The following RIMS2 variants were observed in gnomAD, a reference collection of about 807,000 sequenced individuals.
RIMS2 encodes the protein regulating synaptic membrane exocytosis protein 2.
In RIMS2, 59 loss-of-function variants were observed where a neutral mutation model predicts 174.4. That is an observed-to-expected ratio of 0.34 (90% CI 0.27 to 0.42). The LOEUF (loss-of-function observed/expected upper bound fraction) is 0.42, where lower values mean the gene tolerates loss of function less well. Among genes scored for constraint, RIMS2 ranks in the 10% least tolerant of loss-of-function variants. The pLI, the probability that RIMS2 is intolerant of heterozygous loss-of-function variation, is 1.00. For missense variants in RIMS2, 1,620 were observed against 1,666.3 expected (o/e 0.97, Z 0.48); for synonymous variants, 606 against 572.5 (o/e 1.06, Z -0.84).
At chr8:103,758,408 C>T (rs2098057986) in intron 2 of RIMS2, among the ~76,000 whole-genome samples, 2 of 152,150 alleles carry the variant, frequency 1.3e-5, no homozygotes, top group South Asian at 4.1e-4. Flanking sequence ...AGGCTTTGTT[C>T]AGTGTCAAAG....
chr8:103,666,525 CT>C (rs1367895457), intron 1 of RIMS2, among the ~76,000 whole-genome samples: 1 of 152,142 alleles, frequency 6.6e-6, no homozygotes, highest in African/African-American at 2.4e-5. Context: ...GTAAACAGGA[CT>C]TTAACTTACT....
chr8:104,119,048 C>T (rs1020979087), intron 19 of RIMS2, among the ~76,000 whole-genome samples: 13 of 151,818 alleles, frequency 8.6e-5, no homozygotes, highest in Admixed American at 3.9e-4. Flanking sequence ...TGTCCGGGCA[C>T]GGACACGTAC....
At chr8:103,604,121 T>C (rs2094914787) in intron 1 of RIMS2, among the ~76,000 whole-genome samples, 2 of 149,010 alleles carry the variant, frequency 1.3e-5, no homozygotes, top group African/African-American at 5.0e-5. Flanking sequence ...CTAGGGTTTT[T>C]CTGGTTTTAG....
At chr8:103,706,402 C>T (rs913012284) in intron 2 of RIMS2, among the ~76,000 whole-genome samples, 1 of 152,000 alleles carries the variant, frequency 6.6e-6, no homozygotes, top group East Asian at 1.9e-4. Context: ...AGTTTTATAC[C>T]TTCACAGGAT....
At chr8:104,053,705 T>C (rs192997995) in intron 19 of RIMS2, among the ~76,000 whole-genome samples, 56 of 152,298 alleles carry the variant, frequency 3.7e-4, no homozygotes, top group Middle Eastern at 6.8e-3. Context: ...AAAATTGAAG[T>C]ACAGGTTAGT....
intron 3 of RIMS2, among the ~76,000 whole-genome samples, chr8:103,767,193 T>G (rs1215400948): frequency 1.7e-4 from 1 of 6,046 alleles, no homozygotes; most frequent in Non-Finnish European, 2.5e-4. Context: ...TTTTTCTTTC[T>G]TTTTTTTTTT....
chr8:103,980,574 A>C (rs1421883280), intron 16 of RIMS2, among the ~76,000 whole-genome samples: 1 of 152,110 alleles, frequency 6.6e-6, no homozygotes, highest in African/African-American at 2.4e-5. Context: ...TTTGTCTTGC[A>C]CCTTAGATGT....
intron 1 of RIMS2, among the ~76,000 whole-genome samples, chr8:103,558,742 C>T (rs1006256253): frequency 6.6e-6 from 1 of 151,938 alleles, no homozygotes; most frequent in Non-Finnish European, 1.5e-5. Flanking sequence ...GGACAGAGAA[C>T]AATCTGAAGG....
At chr8:103,571,726 C>T (rs970731748) in intron 1 of RIMS2, among the ~76,000 whole-genome samples, 3 of 152,072 alleles carry the variant, frequency 2.0e-5, no homozygotes, top group African/African-American at 7.2e-5. Context: ...GAAATGTATT[C>T]GTTCATATAA....
chr8:104,203,231 T>A (rs1284394524), intron 19 of RIMS2, among the ~76,000 whole-genome samples: 1 of 152,152 alleles, frequency 6.6e-6, no homozygotes, highest in African/African-American at 2.4e-5. Flanking sequence ...AATATATTTT[T>A]ATACCAAAAA....
chr8:103,703,594 A>AT (rs1296632126), intron 2 of RIMS2, among the ~76,000 whole-genome samples: 1 of 152,096 alleles, frequency 6.6e-6, no homozygotes, highest in Non-Finnish European at 1.5e-5. Flanking sequence ...TAGTTTCAAC[A>AT]TTTTAACAGT....
chr8:103,996,286 G>A (rs1189262371), intron 17 of RIMS2, among the ~76,000 whole-genome samples: 2 of 151,632 alleles, frequency 1.3e-5, no homozygotes, highest in African/African-American at 4.8e-5. Context: ...TGGAAAAAAA[G>A]TGATGTGCTA....
At chr8:103,576,028 C>A (rs151309715) in intron 1 of RIMS2, among the ~76,000 whole-genome samples, 84 of 152,336 alleles carry the variant, frequency 5.5e-4, no homozygotes, top group Middle Eastern at 3.4e-3. Flanking sequence ...GACAACCAAA[C>A]ACAAAGTGGG....
intron 3 of RIMS2, among the ~76,000 whole-genome samples, chr8:103,827,801 C>T (rs576729588): frequency 6.6e-6 from 1 of 151,988 alleles, no homozygotes; most frequent in Non-Finnish European, 1.5e-5. Flanking sequence ...TGCCACTGTA[C>T]TCCACCAGCC....
intron 1 of RIMS2, among the ~76,000 whole-genome samples, chr8:103,636,854 A>G (rs1357638214): frequency 6.9e-6 from 1 of 144,946 alleles, no homozygotes; most frequent in African/African-American, 2.5e-5. Flanking sequence ...CTTCAAGAAA[A>G]ATGAAAGTGT....
chr8:103,910,291 C>CA, intron 5 of RIMS2, 30 bp from the exon 8 acceptor site: 2 of 1,284,540 alleles, frequency 1.6e-6, no homozygotes, highest in Non-Finnish European at 2.1e-6. Flanking sequence ...TTTTTTGTAT[C>CA]TTTTTTTTTT....
chr8:104,122,791 T>C (rs2098393766), intron 19 of RIMS2, among the ~76,000 whole-genome samples: 1 of 152,152 alleles, frequency 6.6e-6, no homozygotes, highest in Admixed American at 6.6e-5. Context: ...TAAAAGACAT[T>C]AATTATTCCA....
chr8:103,618,912 C>A (rs1459872306), intron 1 of RIMS2, among the ~76,000 whole-genome samples: 1 of 151,920 alleles, frequency 6.6e-6, no homozygotes, highest in Non-Finnish European at 1.5e-5. Context: ...ATATTGACAC[C>A]CATCTTGACT....
chr8:104,011,308 C>CTTTTCAT (rs1214651914), intron 17 of RIMS2, among the ~76,000 whole-genome samples: 1 of 151,968 alleles, frequency 6.6e-6, no homozygotes, highest in Non-Finnish European at 1.5e-5. Context: ...TACTGTGGTT[C>CTTTTCAT]TTTTCATTTT....
Sources: allele counts gnomAD v4.1 joint callset (sites outside exome capture counted in the v4.1 genomes callset), GRCh38; gene constraint gnomAD v4.1.1; transcripts MANE v1.5; gene names NCBI Gene and HGNC (gene_info 2026-07-23, HGNC 2026-07-21).